The following SMOC2 variants were observed in gnomAD, a reference collection of about 807,000 sequenced individuals.
The protein encoded by SMOC2 is SPARC related modular calcium binding 2, also known as SPARC-related modular calcium-binding protein 2.
SMOC2 carries 39 observed loss-of-function variants against 61.4 expected under a neutral mutation model. The observed-to-expected ratio is 0.64, with a 90% CI of 0.49 to 0.83. SMOC2 has a LOEUF of 0.83. SMOC2 is among the 40% of genes least tolerant of loss of function. SMOC2 has a pLI of 0.00. For missense variants in SMOC2, 556 were observed against 592.9 expected (o/e 0.94, Z 0.65); for synonymous variants, 247 against 239.9 (o/e 1.03, Z -0.27).
intron 1 of SMOC2, among the ~76,000 whole-genome samples, chr6:168,459,742 C>G (rs1358863514): frequency 1.5e-5 from 2 of 132,770 alleles, no homozygotes; most frequent in African/African-American, 5.8e-5. Context: ...GTGGGTGGGC[C>G]TTGTGGTGGG....
chr6:168,505,745 C>T (rs1782859395), intron 1 of SMOC2, among the ~76,000 whole-genome samples: 1 of 152,144 alleles, frequency 6.6e-6, no homozygotes, highest in Non-Finnish European at 1.5e-5. Flanking sequence ...AGAGTAGGAC[C>T]CTGTTTTCTG....
intron 1 of SMOC2, among the ~76,000 whole-genome samples, chr6:168,444,722 T>C (rs1781292657): frequency 1.3e-5 from 2 of 152,250 alleles, no homozygotes; most frequent in African/African-American, 4.8e-5. Context: ...GAATGATCTC[T>C]AGTATAAATG....
At chr6:168,611,710 C>T (rs1049341671) in intron 9 of SMOC2, among the ~76,000 whole-genome samples, 2 of 147,050 alleles carry the variant, frequency 1.4e-5, no homozygotes, top group Non-Finnish European at 3.0e-5. Context: ...CGGGACCCAC[C>T]GTGGCTCCCG....
chr6:168,481,469 A>G (rs1221737289), intron 1 of SMOC2, among the ~76,000 whole-genome samples: 2 of 152,096 alleles, frequency 1.3e-5, no homozygotes, highest in Admixed American at 6.5e-5. Flanking sequence ...TTAGGATGTA[A>G]AATATAATCC....
chr6:168,518,793 A>G (rs1583074420), intron 2 of SMOC2, among the ~76,000 whole-genome samples: 5 of 146,122 alleles, frequency 3.4e-5, no homozygotes, highest in South Asian at 2.2e-4. Flanking sequence ...GAAAGCATGT[A>G]TGTGCTTGTG....
At chr6:168,579,149 G>T (rs962115645) in intron 7 of SMOC2, among the ~76,000 whole-genome samples, 20 of 152,236 alleles carry the variant, frequency 1.3e-4, no homozygotes, top group African/African-American at 4.6e-4. Context: ...TTATCCCCAG[G>T]TCACACTGTG....
chr6:168,482,397 C>G (rs1782225220), intron 1 of SMOC2, among the ~76,000 whole-genome samples: 1 of 151,208 alleles, frequency 6.6e-6, no homozygotes, highest in Non-Finnish European at 1.5e-5. Flanking sequence ...AAATTTATAA[C>G]TTTTATAACA....
intron 9 of SMOC2, among the ~76,000 whole-genome samples, chr6:168,634,386 C>T (rs1441480431): frequency 1.3e-5 from 2 of 152,142 alleles, no homozygotes; most frequent in African/African-American, 4.8e-5. Flanking sequence ...CAAGGGTTGG[C>T]TGTAATTAAA....
At chr6:168,658,486 G>T (rs566762339) in intron 11 of SMOC2, among the ~76,000 whole-genome samples, 2 of 152,266 alleles carry the variant, frequency 1.3e-5, no homozygotes, top group East Asian at 3.9e-4. Flanking sequence ...GCCGTTGTCA[G>T]GTGGCTTGAG....
intron 1 of SMOC2, among the ~76,000 whole-genome samples, chr6:168,490,955 A>C (rs961996802): frequency 6.6e-6 from 1 of 150,728 alleles, no homozygotes; most frequent in Non-Finnish European, 1.5e-5. Flanking sequence ...GGCTGGTCTC[A>C]CTCATTAAAA....
intron 1 of SMOC2, among the ~76,000 whole-genome samples, chr6:168,442,824 CCTT>C (rs765072325): frequency 6.6e-6 from 1 of 152,208 alleles, no homozygotes; most frequent in Non-Finnish European, 1.5e-5. Context: ...GGGGTCCCTG[CCTT>C]GTGTCTCACA....
At chr6:168,573,045 C>G (rs372955256) in intron 7 of SMOC2, among the ~76,000 whole-genome samples, 165 of 67,832 alleles carry the variant, frequency 2.4e-3, no homozygotes, top group South Asian at 4.4e-3. Context: ...TTCATTTCCT[C>G]CCCGCATCCC....
chr6:168,630,137 G>A (rs574604333), intron 9 of SMOC2, among the ~76,000 whole-genome samples: 4 of 152,242 alleles, frequency 2.6e-5, no homozygotes, highest in East Asian at 1.9e-4. Flanking sequence ...CTCTCCCTCC[G>A]TGGCCACTTC....
chr6:168,476,737 GC>G (rs1782096866), intron 1 of SMOC2, among the ~76,000 whole-genome samples: 1 of 151,858 alleles, frequency 6.6e-6, no homozygotes, highest in Non-Finnish European at 1.5e-5. Context: ...AAATAATATT[GC>G]AGAGAACAAC....
At chr6:168,666,379 A>G in intron 12 of SMOC2, 42 bp from the exon 13 acceptor site, 1 of 1,613,010 alleles carries the variant, frequency 6.2e-7, no homozygotes, top group Non-Finnish European at 8.5e-7. Flanking sequence ...AGCGACACAC[A>G]CCTCTGAATA....
In SMOC2 at chr6:168,599,022, A is replaced by AC. The variant is rs558894070; in HGVS notation, c.824+26dup. ...TCCACAAGGTAAATAGGGTGCACCC[A>AC]CCCCCCCCGGGACCATGGGAGGCTT... On this transcript the variant is annotated intron_variant, in intron 8 of 12. Transcript: ENST00000356284. 9.1e-3 allele frequency: 14,073 copies of AC among 1,538,066 alleles called. 169 individuals carry two copies. The highest frequency in any genetic ancestry group is 0.066 in the African/African-American group (4,727 of 71,626).
At chr6:168,626,045 G>A (rs1786400957) in intron 9 of SMOC2, among the ~76,000 whole-genome samples, 1 of 152,218 alleles carries the variant, frequency 6.6e-6, no homozygotes, top group Non-Finnish European at 1.5e-5. Context: ...AAGCTAAGAG[G>A]CCAGCACCTG....
chr6:168,599,030 C>T (rs777219083), intron 8 of SMOC2, 26 bp downstream of exon 8: 24 of 1,547,178 alleles, frequency 1.6e-5, no homozygotes, highest in Middle Eastern at 1.9e-4. Context: ...CCACCCCCCC[C>T]GGGACCATGG....
At chr6:168,485,520 T>G (rs1007421918) in intron 1 of SMOC2, among the ~76,000 whole-genome samples, 1 of 152,194 alleles carries the variant, frequency 6.6e-6, no homozygotes, top group Admixed American at 6.5e-5. Flanking sequence ...TGATACACAC[T>G]ACAACAAGGA....
Sources: allele counts gnomAD v4.1 joint callset (sites outside exome capture counted in the v4.1 genomes callset), GRCh38; gene constraint gnomAD v4.1.1; transcripts MANE v1.5; gene names NCBI Gene and HGNC (gene_info 2026-07-23, HGNC 2026-07-21).